The following SNTG2 variants were observed in gnomAD, a reference collection of about 807,000 sequenced individuals.
The protein encoded by SNTG2 is gamma-2-syntrophin.
A neutral mutation model predicts 70.9 loss-of-function variants in SNTG2; 74 were observed. The ratio of observed to expected loss-of-function variants is 1.04; its 90% CI spans 0.86 to 1.27. The LOEUF (loss-of-function observed/expected upper bound fraction) is 1.27. SNTG2 is among the 50% of genes most tolerant of loss of function. The pLI is 0.00. For synonymous variants in SNTG2, 278 were observed against 273.8 expected (o/e 1.02, Z -0.15); for missense variants, 717 against 690.7 (o/e 1.04, Z -0.43).
chr2:1,266,098 TA>T (rs561998072), intron 13 of SNTG2, among the ~76,000 whole-genome samples: 113 of 150,528 alleles, frequency 7.5e-4, no homozygotes, highest in African/African-American at 2.7e-3. Context: ...GAAACAGACA[TA>T]AAATAGAGAA....
chr2:1,137,615 C>A lies in SNTG2; in HGVS notation c.326-7C>A, dbSNP rs1008237558. On this transcript the variant is annotated splice_polypyrimidine_tract_variant and splice_region_variant and intron_variant, in intron 4 of 16. Transcript: ENST00000308624. Reference sequence around the variant, plus strand: ...TTAAAACTGTTGCCACTTTTGCCACCCTGCAGCTGACCAGACAGGGATGTT... The same window carrying A: ...TTAAAACTGTTGCCACTTTTGCCACACTGCAGCTGACCAGACAGGGATGTT... The A allele has an allele frequency of 8.1e-6, 13 of 1,612,600 alleles. No homozygotes were observed. Among genetic ancestry groups the A allele is most frequent in the Non-Finnish European group, 1.1e-5 (13 of 1,179,546 alleles).
intron 6 of SNTG2, among the ~76,000 whole-genome samples, chr2:1,147,553 G>C (rs1303040354): frequency 6.6e-6 from 1 of 152,226 alleles, no homozygotes; most frequent in East Asian, 1.9e-4. Context: ...TCAGCATGCA[G>C]ATGGCCTATT....
At chr2:1,194,258 G>A (rs750838563) in intron 8 of SNTG2, among the ~76,000 whole-genome samples, 55 of 152,198 alleles carry the variant, frequency 3.6e-4, no homozygotes, top group African/African-American at 2.2e-4. Context: ...GGGGAGAAGC[G>A]CTGGGGATGC....
chr2:1,018,685 AC>A (rs1265480214), intron 1 of SNTG2, among the ~76,000 whole-genome samples: 1 of 152,222 alleles, frequency 6.6e-6, no homozygotes, highest in Non-Finnish European at 1.5e-5. Context: ...GGAAATATTC[AC>A]AGCATGAACG....
intron 14 of SNTG2, among the ~76,000 whole-genome samples, chr2:1,275,949 A>G (rs1286202287): frequency 1.3e-5 from 2 of 152,242 alleles, no homozygotes; most frequent in Admixed American, 6.5e-5. Context: ...CGTGCTGAAT[A>G]AGAACAAACC....
intron 1 of SNTG2, among the ~76,000 whole-genome samples, chr2:1,044,976 C>G (rs1661647867): frequency 6.6e-6 from 1 of 151,714 alleles, no homozygotes; most frequent in South Asian, 2.1e-4. Flanking sequence ...CTTATTTATA[C>G]ATCTGTTACA....
rs1369016186 is a variant in SNTG2 at position 1,012,840 on chromosome 2, A to T, written c.72+61772A>T. 6.5e-5 allele frequency among the ~76,000 whole-genome samples: 4 copies of T among 61,250 alleles called. 1 individual carries two copies. Among genetic ancestry groups the T allele is most frequent in the Non-Finnish European group, 1.5e-4 (4 of 26,480 alleles). 40.2% of individuals were successfully genotyped at this position (61,250 alleles called of 152,430 possible). On this transcript the variant is annotated intron_variant, in intron 1 of 16. Transcript: ENST00000308624. The stretch of plus-strand genomic sequence containing the variant: ...AGAGAGAAGGGTGGTCTGGAGAAGG[A>T]TTTATATGGGCAGAGAGAAGAGTGG...
chr2:1,110,498 A>G (rs1666370692), intron 4 of SNTG2, among the ~76,000 whole-genome samples: 2 of 152,064 alleles, frequency 1.3e-5, no homozygotes, highest in Admixed American at 1.3e-4. Context: ...CCTCCCTCCC[A>G]TGTAAATATT....
intron 2 of SNTG2, among the ~76,000 whole-genome samples, chr2:1,094,190 A>G (rs1665225091): frequency 8.0e-6 from 1 of 124,668 alleles, no homozygotes; most frequent in African/African-American, 3.0e-5. Context: ...CCTGGCCTGC[A>G]GGCAAAGGCC....
chr2:1,359,061 T>G (rs141510483), intron 16 of SNTG2, among the ~76,000 whole-genome samples: 93 of 152,224 alleles, frequency 6.1e-4, no homozygotes, highest in African/African-American at 2.1e-3. Context: ...TTTTCAGACT[T>G]TTTTTTGGAT....
intron 16 of SNTG2, among the ~76,000 whole-genome samples, chr2:1,362,922 A>G (rs983938931): frequency 6.6e-6 from 1 of 151,878 alleles, no homozygotes. Context: ...ACTTCCACGA[A>G]GGTCACCGAT....
intron 14 of SNTG2, among the ~76,000 whole-genome samples, chr2:1,303,073 A>C (rs1680526940): frequency 6.6e-6 from 1 of 152,242 alleles, no homozygotes; most frequent in Non-Finnish European, 1.5e-5. Flanking sequence ...CCTTCTCAAC[A>C]ATTGAAAGAC....
intron 12 of SNTG2, among the ~76,000 whole-genome samples, chr2:1,253,580 A>T (rs979495546): frequency 6.6e-6 from 1 of 152,242 alleles, no homozygotes; most frequent in Admixed American, 6.5e-5. Context: ...TAAAAGGTAA[A>T]GTCCTTCTTT....
intron 1 of SNTG2, among the ~76,000 whole-genome samples, chr2:1,057,847 G>A (rs1662562570): frequency 6.6e-6 from 1 of 151,992 alleles, no homozygotes; most frequent in Non-Finnish European, 1.5e-5. Flanking sequence ...TCTTCCAGCT[G>A]GACAACATGG....
intron 1 of SNTG2, among the ~76,000 whole-genome samples, chr2:989,803 A>G (rs1015776354): frequency 6.6e-6 from 1 of 152,250 alleles, no homozygotes; most frequent in African/African-American, 2.4e-5. Flanking sequence ...AAATAATGCA[A>G]TTCTTTTGTT....
chr2:1,079,102 C>T (rs1664108501), intron 1 of SNTG2, among the ~76,000 whole-genome samples: 1 of 152,228 alleles, frequency 6.6e-6, no homozygotes, highest in African/African-American at 2.4e-5. Flanking sequence ...TACCCAGAAT[C>T]ACTTAAGCAG....
At chr2:1,092,303 A>G (rs957236313) in intron 2 of SNTG2, among the ~76,000 whole-genome samples, 1 of 151,876 alleles carries the variant, frequency 6.6e-6, no homozygotes, top group Non-Finnish European at 1.5e-5. Flanking sequence ...CCACATCTCC[A>G]TTCTCTCCTT....
At chr2:974,485 A>G (rs1398534291) in intron 1 of SNTG2, among the ~76,000 whole-genome samples, 1 of 152,180 alleles carries the variant, frequency 6.6e-6, no homozygotes, top group Non-Finnish European at 1.5e-5. Flanking sequence ...GCATCAGTGC[A>G]TAAGTGACCC....
chr2:1,088,347 G>A lies in SNTG2; in HGVS notation c.210+4692G>A, dbSNP rs141392827. The stretch of plus-strand genomic sequence containing the variant: ...AACCAGTTTCTGTGTGCTTCTTCAT[G>A]CACTGAGTCAGCTCTGATGCCTGTG... On this transcript the variant is annotated intron_variant, in intron 2 of 16. Coordinates refer to ENST00000308624, the MANE Select transcript of SNTG2 (RefSeq NM_018968.4). 2.8e-3 allele frequency among the ~76,000 whole-genome samples: 429 copies of A among 152,258 alleles called. 5 individuals carry two copies. The highest frequency in any genetic ancestry group is 9.7e-3 in the African/African-American group (403 of 41,552).
Sources: gnomAD v4.1 joint callset for allele counts (sites outside exome capture counted in the v4.1 genomes callset) on GRCh38, gnomAD v4.1.1 for gene constraint, MANE v1.5 for transcripts, NCBI Gene and HGNC (gene_info 2026-07-23, HGNC 2026-07-21) for gene names.